ASTN1: variants seen among roughly 807,000 people sequenced by gnomAD.
ASTN1 encodes astrotactin 1, also known as astrotactin-1.
Under a neutral mutation model 140.7 loss-of-function variants are expected in ASTN1, and 41 were observed. That is an observed-to-expected ratio of 0.29 (90% CI 0.23 to 0.38). ASTN1 has a LOEUF of 0.38. Among genes scored for constraint, ASTN1 ranks in the 10% least tolerant of loss-of-function variants. ASTN1 has a pLI of 1.00. For missense variants in ASTN1, 1,479 were observed against 1,678.8 expected, an observed-to-expected ratio of 0.88 and a Z score of 2.08; for synonymous variants, 640 against 652.2, an observed-to-expected ratio of 0.98 and a Z score of 0.29.
At chr1:176,955,085 T>C (rs1672343013) in intron 11 of ASTN1, among the ~76,000 whole-genome samples, 1 of 152,206 alleles carries the variant, frequency 6.6e-6, no homozygotes, top group African/African-American at 2.4e-5. Context: ...TTGGGTTCCT[T>C]AAGAGTCAGC....
chr1:177,100,456 A>T (rs1350473345), intron 1 of ASTN1, among the ~76,000 whole-genome samples: 1 of 152,166 alleles, frequency 6.6e-6, no homozygotes, highest in Non-Finnish European at 1.5e-5. Context: ...TACACATAGA[A>T]TTCTTCCACT....
In ASTN1 at chr1:177,028,383, C is replaced by T. The variant is rs1472743381; in HGVS notation, c.1120+1251G>A. On this transcript the variant is annotated intron_variant, in intron 5 of 22. Coordinates refer to ENST00000361833, the MANE Select transcript of ASTN1 (RefSeq NM_004319.3). ...CCATTCAATATTAGAATACCCAGAG[C>T]CACAATGATCTCTTGAGAAAAATGA... 2.6e-5 allele frequency among the ~76,000 whole-genome samples: 4 copies of T among 152,102 alleles called. No individual in the cohort carries two copies. The East Asian group carries it at 7.7e-4, about 29-fold the overall frequency.
intron 22 of ASTN1, among the ~76,000 whole-genome samples, chr1:176,865,758 G>A (rs987752855): frequency 6.6e-6 from 1 of 152,164 alleles, no homozygotes; most frequent in African/African-American, 2.4e-5. Flanking sequence ...CTGAGACTGG[G>A]CAATTTACAA....
chr1:176,969,314 G>C (rs1267334969), intron 8 of ASTN1, among the ~76,000 whole-genome samples: 1 of 152,154 alleles, frequency 6.6e-6, no homozygotes, highest in Non-Finnish European at 1.5e-5. Context: ...AAACAGCTAA[G>C]ACACATGGTG....
chr1:176,952,380 G>A (rs905332724), intron 11 of ASTN1, among the ~76,000 whole-genome samples: 2 of 151,698 alleles, frequency 1.3e-5, no homozygotes, highest in South Asian at 2.1e-4. Context: ...CCAGAGTGAC[G>A]ACCTTGATGG....
chr1:177,137,035 C>A (rs1682236778), intron 1 of ASTN1, among the ~76,000 whole-genome samples: 1 of 152,128 alleles, frequency 6.6e-6, no homozygotes. Context: ...TGTCTCCAGC[C>A]ATTGCAAATG....
chr1:176,936,938 C>A (rs1671475129), intron 14 of ASTN1, among the ~76,000 whole-genome samples: 1 of 152,170 alleles, frequency 6.6e-6, no homozygotes, highest in Admixed American at 6.5e-5. Context: ...TTCATCCTAT[C>A]TACTTTACAG....
Position 177,105,814 on chromosome 1 carries a change from G to A in ASTN1, c.284-44549C>T, listed in dbSNP as rs1230127055. On this transcript the variant is annotated intron_variant, in intron 1 of 22. Transcript: ENST00000361833. ...TCTAGGAGGTTGCTTCTATTTTCAT[G>A]TCCATTTCACTGTAAAAAAGAACAC... 4.6e-5 allele frequency among the ~76,000 whole-genome samples: 7 copies of A among 152,116 alleles called. No individual in the cohort carries two copies. The East Asian group carries it at 1.4e-3, about 29-fold the overall frequency.
chr1:177,086,728 C>T (rs1157736627), intron 1 of ASTN1, among the ~76,000 whole-genome samples: 1 of 152,070 alleles, frequency 6.6e-6, no homozygotes, highest in African/African-American at 2.4e-5. Context: ...AGAAAATTGG[C>T]AGAATAATGT....
chr1:177,155,497 A>G (rs1683199559), intron 1 of ASTN1, among the ~76,000 whole-genome samples: 1 of 152,252 alleles, frequency 6.6e-6, no homozygotes, highest in Non-Finnish European at 1.5e-5. Context: ...GCAACTTTAG[A>G]GTAATCTGCA....
intron 8 of ASTN1, among the ~76,000 whole-genome samples, chr1:177,005,540 G>T (rs1178237366): frequency 6.6e-6 from 1 of 152,160 alleles, no homozygotes; most frequent in Admixed American, 6.5e-5. Flanking sequence ...GTTTGTCATA[G>T]CACAATTCAC....
At chr1:176,888,252 A>G in intron 17 of ASTN1, 48 bp from the exon 18 acceptor site, 1 of 1,602,818 alleles carries the variant, frequency 6.2e-7, no homozygotes, top group Non-Finnish European at 8.5e-7. Context: ...AGCCAGGGCT[A>G]GGCCATCAGA....
chr1:176,867,927 CT>C (rs1027074533), intron 22 of ASTN1, among the ~76,000 whole-genome samples: 13 of 151,280 alleles, frequency 8.6e-5, no homozygotes, highest in Non-Finnish European at 1.9e-4. Flanking sequence ...CATTTCCTTC[CT>C]TCCTTCCTTC....
intron 8 of ASTN1, among the ~76,000 whole-genome samples, chr1:176,986,719 G>A (rs1673924804): frequency 6.6e-6 from 1 of 152,062 alleles, no homozygotes; most frequent in Non-Finnish European, 1.5e-5. Context: ...TCTTCTCTCT[G>A]TGTCTCATTT....
chr1:176,934,161 T>C lies in ASTN1; in HGVS notation c.2662A>G (p.Ile888Val). 9.3e-6 allele frequency: 15 copies of C among 1,610,400 alleles called. No homozygotes were observed. Among genetic ancestry groups the C allele is most frequent in the Non-Finnish European group, 1.3e-5 (15 of 1,177,034 alleles). The change falls in exon 16 of 23, where the codon ATC becomes GTC. Residue 888 changes from isoleucine to valine, a missense_variant. Physicochemically the swap from Ile to Val is conservative, Grantham distance 29 (BLOSUM62 3). Coordinates refer to ENST00000361833, the MANE Select transcript of ASTN1 (RefSeq NM_004319.3). Reference sequence around the variant, plus strand: ...CAAGCATGCCACTCACCTTTACTGATGTCTTCATACTCCAGCCAGAGTCGC... The same window carrying C: ...CAAGCATGCCACTCACCTTTACTGACGTCTTCATACTCCAGCCAGAGTCGC... ...QRRLWLEYED[I>V]SKGNSPSDES...
At chr1:176,878,353 T>C (rs866402957) in intron 20 of ASTN1, among the ~76,000 whole-genome samples, 3 of 152,092 alleles carry the variant, frequency 2.0e-5, no homozygotes, top group Non-Finnish European at 2.9e-5. Context: ...TGGTCTTACC[T>C]TGTACTCAAC....
chr1:176,969,153 C>G (rs982833725), intron 8 of ASTN1, among the ~76,000 whole-genome samples: 1 of 152,122 alleles, frequency 6.6e-6, no homozygotes, highest in Admixed American at 6.5e-5. Flanking sequence ...GAAACCCCCC[C>G]GCCTCCCCGC....
At chr1:176,874,101 C>T (rs1056962605) in intron 21 of ASTN1, among the ~76,000 whole-genome samples, 1 of 152,184 alleles carries the variant, frequency 6.6e-6, no homozygotes, top group Admixed American at 6.5e-5. Context: ...GCTGTACTAC[C>T]TGCAAGGACA....
chr1:176,940,609 AAATAC>A (rs1671674924), intron 14 of ASTN1, among the ~76,000 whole-genome samples: 1 of 152,200 alleles, frequency 6.6e-6, no homozygotes, highest in South Asian at 2.1e-4. Flanking sequence ...GTCTCTGCCA[AAATAC>A]AAGTGATGAC....
Sources: allele counts gnomAD v4.1 joint callset (sites outside exome capture counted in the v4.1 genomes callset), GRCh38; gene constraint gnomAD v4.1.1; transcripts MANE v1.5; gene names NCBI Gene and HGNC (gene_info 2026-07-23, HGNC 2026-07-21).